FGF14: variants seen among roughly 807,000 people sequenced by gnomAD.
FGF14 encodes fibroblast growth factor homologous factor 4.
Under a neutral mutation model 25.5 loss-of-function variants are expected in FGF14, and 5 were observed. The ratio of observed to expected loss-of-function variants is 0.20; its 90% CI spans 0.10 to 0.41. The LOEUF (loss-of-function observed/expected upper bound fraction) is 0.41. Among genes scored for constraint, FGF14 ranks in the 10% least tolerant of loss-of-function variants. FGF14 has a pLI of 1.00. For synonymous variants in FGF14, 138 were observed against 118.3 expected, an observed-to-expected ratio of 1.17 and a Z score of -1.08; for missense variants, 222 against 320.1, an observed-to-expected ratio of 0.69 and a Z score of 2.34.
chr13:101,714,687 G>T lies in FGF14; in HGVS notation c.*8144C>A. On this transcript the variant is annotated 3_prime_UTR_variant, in exon 5 of 5. Coordinates refer to ENST00000376143, the MANE Select transcript of FGF14 (RefSeq NM_004115.4). ...ATGAAATATCTACCAAAGGCGAAGTGGGCATTTGGGAAAAAGCCCTCACAA... is the reference window on the plus strand; with the variant it reads ...ATGAAATATCTACCAAAGGCGAAGTTGGCATTTGGGAAAAAGCCCTCACAA... The T allele has an allele frequency of 1.6e-6, 1 of 628,232 alleles. No individual in the cohort carries two copies. The highest frequency in any genetic ancestry group is 2.9e-6 in the Non-Finnish European group (1 of 348,764). The allele number at this position is 628,232 out of a possible 1,614,324, so 38.9% of individuals were successfully genotyped here. A position where few individuals can be genotyped will look rare whatever the true frequency, so the allele number is the denominator to read the frequency against.
At chr13:102,364,051 A>C (rs760775263) in intron 1 of FGF14, among the ~76,000 whole-genome samples, 9 of 152,222 alleles carry the variant, frequency 5.9e-5, no homozygotes, top group Non-Finnish European at 1.2e-4. Flanking sequence ...TCATTTGGGT[A>C]CCCAGGTACG....
chr13:102,182,191 C>G (rs2048702431), intron 1 of FGF14, among the ~76,000 whole-genome samples: 1 of 152,152 alleles, frequency 6.6e-6, no homozygotes, highest in East Asian at 1.9e-4. Flanking sequence ...GCAATAGAAG[C>G]AGGTTTACAG....
At chr13:102,263,123 TG>T in intron 1 of FGF14, 1 of 622,360 alleles carries the variant, frequency 1.6e-6, no homozygotes, top group Non-Finnish European at 3.1e-6. Context: ...CTAAATCCAC[TG>T]GGGAATGGGA....
In FGF14 at chr13:102,275,262, T is replaced by TTCTCTC. The variant is rs56028235; in HGVS notation, c.208+126203_208+126208dup. On this transcript the variant is annotated intron_variant, in intron 1 of 4. Transcript: ENST00000376131. ...TCTCTCTCTCTCTCTCTCTCTCTCT[T>TTCTCTC]TCTCTCTCTCTCTCTCTCTCTCTCT... Among the ~76,000 whole-genome samples, 554 of 68,984 alleles carry TTCTCTC rather than the reference T, an allele frequency of 8.0e-3. 9 individuals are homozygous for TTCTCTC. The highest frequency in any genetic ancestry group is 0.028 in the Middle Eastern group (3 of 106). The allele number at this position is 68,984 out of a possible 152,430, so 45.3% of individuals were successfully genotyped here. A position where few individuals can be genotyped will look rare whatever the true frequency, so the allele number is the denominator to read the frequency against.
At chr13:102,085,188 C>T (rs2043834665) in intron 1 of FGF14, among the ~76,000 whole-genome samples, 1 of 148,704 alleles carries the variant, frequency 6.7e-6, no homozygotes, top group South Asian at 2.1e-4. Context: ...TAGACTAAAG[C>T]TAAGTTTTTC....
At chr13:101,786,922 T>C (rs1397577041) in intron 3 of FGF14, among the ~76,000 whole-genome samples, 1 of 152,128 alleles carries the variant, frequency 6.6e-6, no homozygotes, top group African/African-American at 2.4e-5. Flanking sequence ...CCACACTGGA[T>C]TTTCTCAACA....
intron 3 of FGF14, among the ~76,000 whole-genome samples, chr13:101,844,310 A>T (rs1171992731): frequency 6.6e-6 from 1 of 152,034 alleles, no homozygotes; most frequent in African/African-American, 2.4e-5. Context: ...CTGTTTGAAA[A>T]CATGTTTGTT....
intron 1 of FGF14, among the ~76,000 whole-genome samples, chr13:102,119,228 AAC>A (rs917890519): frequency 1.3e-4 from 20 of 152,202 alleles, no homozygotes; most frequent in African/African-American, 4.8e-4. Context: ...CAGAGAAAAT[AAC>A]ACAGAGAAAC....
chr13:101,850,323 A>C (rs2043698307), intron 3 of FGF14, among the ~76,000 whole-genome samples: 1 of 143,920 alleles, frequency 6.9e-6, no homozygotes, highest in Non-Finnish European at 1.5e-5. Context: ...GCATAGTGGC[A>C]GGCGCCTGTT....
chr13:101,931,173 C>T (rs796277431), intron 1 of FGF14, among the ~76,000 whole-genome samples: 46 of 152,260 alleles, frequency 3.0e-4, no homozygotes, highest in African/African-American at 1.1e-3. Flanking sequence ...CGTTGACCCA[C>T]CCAGGAGAGC....
intron 1 of FGF14, among the ~76,000 whole-genome samples, chr13:102,036,677 AAGG>A (rs943213662): frequency 4.6e-5 from 7 of 151,996 alleles, no homozygotes; most frequent in South Asian, 2.1e-4. Context: ...GGAGGAGAAG[AAGG>A]AGAAGGAGGA....
intron 1 of FGF14, among the ~76,000 whole-genome samples, chr13:102,346,955 G>A (rs538659765): frequency 6.6e-5 from 10 of 152,206 alleles, no homozygotes; most frequent in South Asian, 2.1e-4. Flanking sequence ...CCACTTTCAC[G>A]TGTCTTGCAC....
intron 3 of FGF14, among the ~76,000 whole-genome samples, chr13:101,846,348 A>G: frequency 6.6e-6 from 1 of 152,002 alleles, no homozygotes; most frequent in East Asian, 1.9e-4. Context: ...AACTCAGAAA[A>G]CCAGAAAAAT....
rs574358682 is a variant in FGF14 at position 102,204,514 on chromosome 13, T to C, written c.208+196957A>G. Among the ~76,000 whole-genome samples the C allele has an allele frequency of 9.9e-5, 15 of 152,272 alleles. No homozygotes were observed. The East Asian group carries it at 2.9e-3, about 29-fold the overall frequency. ...GTTGGTGCAGGTTCAAACATTTTTA[T>C]TTAATTTGGGGCAAGCATCTTTTAT... On this transcript the variant is annotated intron_variant, in intron 1 of 4. Coordinates refer to the FGF14 transcript ENST00000376131.
chr13:102,327,089 AG>A (rs1386266860), intron 1 of FGF14, among the ~76,000 whole-genome samples: 2 of 152,232 alleles, frequency 1.3e-5, no homozygotes, highest in African/African-American at 2.4e-5. Context: ...TCACAGTTCA[AG>A]GTGTCTTCAT....
intron 1 of FGF14, among the ~76,000 whole-genome samples, chr13:101,966,476 TTTTTG>T (rs2037204701): frequency 6.8e-6 from 1 of 146,510 alleles, no homozygotes; most frequent in Non-Finnish European, 1.5e-5. Context: ...CTTGTGGTTT[TTTTTG>T]TTTTTGTTTT....
intron 1 of FGF14, among the ~76,000 whole-genome samples, chr13:101,972,627 C>T (rs1383744334): frequency 6.6e-6 from 1 of 152,088 alleles, no homozygotes; most frequent in East Asian, 1.9e-4. Flanking sequence ...TGACTCATTT[C>T]AATCTTATTG....
intron 1 of FGF14, among the ~76,000 whole-genome samples, chr13:102,238,083 A>G (rs2051410908): frequency 6.6e-6 from 1 of 152,122 alleles, no homozygotes; most frequent in Non-Finnish European, 1.5e-5. Context: ...TTATCATTGA[A>G]TTTGTGTCTT....
At chr13:102,347,016 C>T (rs12429057) in intron 1 of FGF14, among the ~76,000 whole-genome samples, 5,909 of 152,128 alleles carry the variant, frequency 0.039, 211 homozygotes, top group East Asian at 0.14. Context: ...GGATAGCCAG[C>T]ATGGTAGGAG....
Sources: allele counts gnomAD v4.1 joint callset (sites outside exome capture counted in the v4.1 genomes callset), GRCh38; gene constraint gnomAD v4.1.1; transcripts MANE v1.5; gene names NCBI Gene and HGNC (gene_info 2026-07-23, HGNC 2026-07-21).